Variants in LRFN2 observed in about 807,000 individuals in gnomAD.
LRFN2 encodes the protein leucine-rich repeat and fibronectin type-III domain-containing protein 2.
Under a neutral mutation model 37.3 loss-of-function variants are expected in LRFN2, and 18 were observed. The ratio of observed to expected loss-of-function variants is 0.48; its 90% CI spans 0.33 to 0.72. The LOEUF (loss-of-function observed/expected upper bound fraction) is 0.72. Among genes scored for constraint, LRFN2 ranks in the 30% least tolerant of loss-of-function variants. The pLI is 0.02. For missense variants in LRFN2, 1,006 were observed against 1,060.7 expected, an observed-to-expected ratio of 0.95 and a Z score of 0.72; for synonymous variants, 556 against 466.6, an observed-to-expected ratio of 1.19 and a Z score of -2.47.
At chr6:40,465,705 G>A (rs1764445857) in intron 1 of LRFN2, among the ~76,000 whole-genome samples, 5 of 152,184 alleles carry the variant, frequency 3.3e-5, no homozygotes, top group Admixed American at 3.3e-4. Flanking sequence ...AACATAGGAT[G>A]TTCCCAAGAG....
intron 2 of LRFN2, among the ~76,000 whole-genome samples, chr6:40,412,037 T>C (rs1256540581): frequency 6.6e-6 from 1 of 152,170 alleles, no homozygotes; most frequent in Non-Finnish European, 1.5e-5. Flanking sequence ...ATCCAGGTCA[T>C]AGGGCTGCTG....
At chr6:40,480,369 C>T (rs915974146) in intron 1 of LRFN2, among the ~76,000 whole-genome samples, 4 of 152,126 alleles carry the variant, frequency 2.6e-5, no homozygotes, top group African/African-American at 9.7e-5. Flanking sequence ...CCTCAACCTC[C>T]CTGGGCTCAG....
chr6:40,510,346 T>A (rs976657748), intron 1 of LRFN2, among the ~76,000 whole-genome samples: 1 of 152,112 alleles, frequency 6.6e-6, no homozygotes, highest in East Asian at 1.9e-4. Context: ...AAAATGAGAA[T>A]AGCATCAAGC....
Position 40,432,294 on chromosome 6 carries a change from G to C in LRFN2, c.820C>G (p.Arg274Gly), listed in dbSNP as rs372798702. The change falls in exon 2 of 3, where the codon CGC (arginine) becomes GGC (glycine). Residue 274 changes from arginine (R) to glycine (G), a missense_variant. Transcript: ENST00000338305. ...TCCTCACGCACATGCCAGAAGTAGC[G>C]ACCCTTGAGGCCCCCTGGGGAGCCA... is the stretch of plus-strand genomic sequence containing the variant. ...TCGSPGGLKG[R>G]YFWHVREEEF... 11 of 1,614,088 alleles carry C rather than the reference G, an allele frequency of 6.8e-6. No homozygotes were observed. The highest frequency in any genetic ancestry group is 8.5e-6 in the Non-Finnish European group (10 of 1,180,042).
At chr6:40,484,683 C>T (rs1764912470) in intron 1 of LRFN2, among the ~76,000 whole-genome samples, 2 of 152,218 alleles carry the variant, frequency 1.3e-5, no homozygotes, top group Admixed American at 1.3e-4. Context: ...CCATTGTTCT[C>T]AGCTGCTGCC....
chr6:40,533,877 A>G (rs528592655), intron 1 of LRFN2, among the ~76,000 whole-genome samples: 73 of 152,328 alleles, frequency 4.8e-4, no homozygotes, highest in African/African-American at 1.7e-3. Flanking sequence ...GCAGCGTGGC[A>G]TCATTACAGT....
intron 1 of LRFN2, among the ~76,000 whole-genome samples, chr6:40,524,301 G>A (rs1299543693): frequency 4.6e-5 from 7 of 152,028 alleles, no homozygotes; most frequent in Admixed American, 3.9e-4. Flanking sequence ...CCCATAACCA[G>A]GACAGATCAC....
intron 2 of LRFN2, among the ~76,000 whole-genome samples, chr6:40,408,809 C>G (rs775347999): frequency 2.6e-5 from 4 of 152,228 alleles, no homozygotes; most frequent in Non-Finnish European, 2.9e-5. Context: ...GTGAAGTCAA[C>G]AGTAACACTT....
chr6:40,504,797 G>T (rs1355442569), intron 1 of LRFN2, among the ~76,000 whole-genome samples: 1 of 152,106 alleles, frequency 6.6e-6, no homozygotes, highest in Non-Finnish European at 1.5e-5. Flanking sequence ...AATCACCTTT[G>T]ATATTATAGT....
At chr6:40,583,804 G>A (rs7750816) in intron 1 of LRFN2, among the ~76,000 whole-genome samples, 2 of 152,102 alleles carry the variant, frequency 1.3e-5, no homozygotes, top group African/African-American at 4.8e-5. Flanking sequence ...CACTTTACCT[G>A]GGCCTCACAA....
At chr6:40,457,421 T>C (rs75740177) in intron 1 of LRFN2, among the ~76,000 whole-genome samples, 3,425 of 152,030 alleles carry the variant, frequency 0.023, 65 homozygotes, top group Middle Eastern at 0.16. Flanking sequence ...TTTTCTGTTA[T>C]ACCAAGGGAA....
intron 2 of LRFN2, among the ~76,000 whole-genome samples, chr6:40,426,293 G>A (rs951201560): frequency 2.6e-5 from 4 of 152,200 alleles, no homozygotes; most frequent in African/African-American, 7.2e-5. Context: ...TGCCTGCTTC[G>A]TATCCCTGGA....
At chr6:40,489,038 G>C (rs1202300743) in intron 1 of LRFN2, among the ~76,000 whole-genome samples, 1 of 152,190 alleles carries the variant, frequency 6.6e-6, no homozygotes, top group Non-Finnish European at 1.5e-5. Context: ...ATAGCCTGCT[G>C]TGAAGTCCAT....
chr6:40,514,525 A>G (rs1485991800), intron 1 of LRFN2, among the ~76,000 whole-genome samples: 1 of 151,868 alleles, frequency 6.6e-6, no homozygotes, highest in Non-Finnish European at 1.5e-5. Context: ...ATGTTGACCA[A>G]GCTGATCTTG....
At chr6:40,487,477 T>C (rs143119286) in intron 1 of LRFN2, among the ~76,000 whole-genome samples, 5 of 152,292 alleles carry the variant, frequency 3.3e-5, no homozygotes, top group African/African-American at 1.2e-4. Context: ...CTTCCTCATC[T>C]CACTAAATGG....
intron 1 of LRFN2, among the ~76,000 whole-genome samples, chr6:40,453,651 T>A (rs1385918211): frequency 1.3e-5 from 2 of 152,146 alleles, no homozygotes; most frequent in Non-Finnish European, 2.9e-5. Flanking sequence ...GACACTCTTT[T>A]CCTCCAAAGA....
intron 1 of LRFN2, among the ~76,000 whole-genome samples, chr6:40,565,411 G>A (rs1467211290): frequency 6.6e-6 from 1 of 152,150 alleles, no homozygotes; most frequent in Non-Finnish European, 1.5e-5. Flanking sequence ...AACCAAAAAA[G>A]AGCCTGCATT....
At chr6:40,525,938 C>T (rs1766242420) in intron 1 of LRFN2, among the ~76,000 whole-genome samples, 2 of 152,198 alleles carry the variant, frequency 1.3e-5, no homozygotes, top group Non-Finnish European at 2.9e-5. Flanking sequence ...GCCAGCTACA[C>T]GTCACCATCT....
At chr6:40,500,251 G>A (rs1434611870) in intron 1 of LRFN2, among the ~76,000 whole-genome samples, 12 of 152,246 alleles carry the variant, frequency 7.9e-5, no homozygotes, top group African/African-American at 1.4e-4. Context: ...GTGTCCCAGG[G>A]GAAGGCCCCC....
Sources: gnomAD v4.1 joint callset for allele counts (sites outside exome capture counted in the v4.1 genomes callset) on GRCh38, gnomAD v4.1.1 for gene constraint, MANE v1.5 for transcripts, NCBI Gene and HGNC (gene_info 2026-07-23, HGNC 2026-07-21) for gene names.